Variants in TRIM33 observed in about 807,000 individuals in gnomAD.
The protein encoded by TRIM33 is tripartite motif containing 33, also known as E3 ubiquitin-protein ligase TRIM33.
In TRIM33, 20 loss-of-function variants were observed where a neutral mutation model predicts 125.4. The observed-to-expected ratio is 0.16, with a 90% CI of 0.11 to 0.23. The LOEUF (loss-of-function observed/expected upper bound fraction) is 0.23. Ranked by LOEUF, TRIM33 falls within the 10% of genes least tolerant of loss-of-function variation. The probability of loss-of-function intolerance (pLI) is 1.00; values close to 1 mark genes in which losing one functional copy is unlikely to be tolerated. For synonymous variants in TRIM33, 564 were observed against 513.9 expected (o/e 1.10, Z -1.32); for missense variants, 920 against 1,411.4 (o/e 0.65, Z 5.58).
intron 1 of TRIM33, among the ~76,000 whole-genome samples, chr1:114,508,137 A>G (rs1000103253): frequency 6.6e-6 from 1 of 152,158 alleles, no homozygotes; most frequent in Admixed American, 6.5e-5. Flanking sequence ...TTTTTAATCA[A>G]AAACATGGTG....
chr1:114,480,688 C>T lies in TRIM33; in HGVS notation c.527-16300G>A, dbSNP rs189028265. On this transcript the variant is annotated intron_variant, in intron 1 of 19. Coordinates refer to ENST00000358465, the MANE Select transcript of TRIM33 (RefSeq NM_015906.4). ...GAAAACAACTAGCAAAATGGCATAC[C>T]TAAATCCAACTATATCACTGAGTAA... Among the ~76,000 whole-genome samples, 583 of 152,016 alleles carry T rather than the reference C, an allele frequency of 3.8e-3. 15 individuals carry two copies. The highest frequency in any genetic ancestry group is 0.034 in the Admixed American group (520 of 15,272).
Position 114,427,170 on chromosome 1 carries a change from T to A in TRIM33, c.1420+7A>T. 7.2e-7 allele frequency: 1 copy of A among 1,390,170 alleles called. No individual in the cohort carries two copies. Among genetic ancestry groups the A allele is most frequent in the Non-Finnish European group, 1.0e-6 (1 of 989,986 alleles). 86.1% of individuals were successfully genotyped at this position (1,390,170 alleles called of 1,614,324 possible). A position where few individuals can be genotyped will look rare whatever the true frequency, so the allele number is the denominator to read the frequency against. ...AAGTTATATTCATAAAACTCATTAT[T>A]TCTCACCTAAATTGACTACATTCTT... On this transcript the variant is annotated splice_region_variant and intron_variant, in intron 8 of 19. Coordinates refer to ENST00000358465, the MANE Select transcript of TRIM33 (RefSeq NM_015906.4).
chr1:114,460,614 A>G (rs1649919008), intron 4 of TRIM33, among the ~76,000 whole-genome samples: 1 of 116,176 alleles, frequency 8.6e-6, no homozygotes, highest in African/African-American at 3.4e-5. Context: ...AACCTCTCCT[A>G]CGGTGCTGAT....
At chr1:114,468,414 G>C (rs1439489949) in intron 1 of TRIM33, 3 of 357,564 alleles carry the variant, frequency 8.4e-6, no homozygotes, top group Non-Finnish European at 1.7e-5. Context: ...TACCCAAACA[G>C]AGGAGACCCA....
chr1:114,424,775 C>A lies in TRIM33; in HGVS notation c.1696-20G>T. 2.1e-6 allele frequency: 3 copies of A among 1,432,752 alleles called. No homozygotes were observed. Among genetic ancestry groups the A allele is most frequent in the East Asian group, 2.5e-5 (1 of 40,436 alleles). The allele number at this position is 1,432,752 out of a possible 1,614,324, so 88.8% of individuals were successfully genotyped here. ...AGGAGGCTACAAAAAGTAGAAATTG[C>A]AATTTATGTAATAATTTTAAAATAA... On this transcript the variant is annotated intron_variant, in intron 9 of 19. Coordinates refer to ENST00000358465, the MANE Select transcript of TRIM33 (RefSeq NM_015906.4).
intron 4 of TRIM33, among the ~76,000 whole-genome samples, chr1:114,435,955 ACTCCTGGT>A (rs1648261525): frequency 7.6e-6 from 1 of 131,026 alleles, no homozygotes; most frequent in South Asian, 2.5e-4. Context: ...CTGGTCTTGA[ACTCCTGGT>A]CTCAAGTGAT....
At chr1:114,451,919 T>C (rs556009288) in intron 4 of TRIM33, among the ~76,000 whole-genome samples, 1 of 152,274 alleles carries the variant, frequency 6.6e-6, no homozygotes, top group East Asian at 1.9e-4. Context: ...TTAGACTGTA[T>C]AAATGGATGA....
At chr1:114,430,751 A>C (rs763069720) in intron 6 of TRIM33, 47 bp downstream of exon 6, 1 of 991,622 alleles carries the variant, frequency 1.0e-6, no homozygotes, top group Non-Finnish European at 1.6e-6. Flanking sequence ...AAAACAGCTA[A>C]AGAGCAAGAG....
chr1:114,442,359 T>A (rs557809952), intron 4 of TRIM33, among the ~76,000 whole-genome samples: 3 of 152,092 alleles, frequency 2.0e-5, no homozygotes, highest in East Asian at 3.9e-4. Context: ...CTACAAAAAA[T>A]GTATTCAGAT....
intron 4 of TRIM33, among the ~76,000 whole-genome samples, chr1:114,442,705 G>GA (rs1254691901): frequency 9.4e-5 from 11 of 116,808 alleles, no homozygotes; most frequent in South Asian, 3.0e-4. Context: ...AAAAAAAAAA[G>GA]AAAAAAAAAG....
rs1651574272 is a variant in TRIM33, at chr1:114,397,053, A to C, written c.*595T>G. 4.5e-6 allele frequency: 1 copy of C among 221,098 alleles called. No homozygotes were observed. The highest frequency in any genetic ancestry group is 6.7e-5 in the East Asian group (1 of 14,964). The allele number at this position is 221,098 out of a possible 1,614,324, so 13.7% of individuals were successfully genotyped here. On this transcript the variant is annotated 3_prime_UTR_variant, in exon 20 of 20. Transcript: ENST00000358465. The stretch of plus-strand genomic sequence containing the variant: ...CTAAGTATGAGTAGAAAATAAAACC[A>C]TTGCTGAGTTCTTTATATCAATTTA...
chr1:114,441,286 A>T (rs1648634556), intron 4 of TRIM33, among the ~76,000 whole-genome samples: 1 of 152,212 alleles, frequency 6.6e-6, no homozygotes, highest in Non-Finnish European at 1.5e-5. Context: ...ACAGAGTGAG[A>T]CCTCATCCCC....
chr1:114,407,883 A>G (rs2101102501), intron 13 of TRIM33, among the ~76,000 whole-genome samples: 1 of 152,348 alleles, frequency 6.6e-6, no homozygotes, highest in South Asian at 2.1e-4. Context: ...GATGACAGAA[A>G]GCTTCTCTTT....
intron 11 of TRIM33, among the ~76,000 whole-genome samples, chr1:114,411,043 CTTT>C (rs925833875): frequency 3.3e-5 from 5 of 151,992 alleles, no homozygotes; most frequent in African/African-American, 1.2e-4. Flanking sequence ...TCATATTCTT[CTTT>C]TATTTATTTT....
At chr1:114,499,724 A>G (rs1186305739) in intron 1 of TRIM33, among the ~76,000 whole-genome samples, 2 of 152,240 alleles carry the variant, frequency 1.3e-5, no homozygotes, top group Non-Finnish European at 2.9e-5. Flanking sequence ...CCTAGTGAAC[A>G]GGCTCACTGT....
chr1:114,405,726 G>C lies in TRIM33; in HGVS notation c.2452C>G (p.Leu818Val). The change falls in exon 15 of 20, where the codon CTC becomes GTC. Residue 818 changes from leucine (L) to valine (V), a missense_variant. Leu to Val is a conservative substitution (Grantham distance 32). Around this residue, in one of 8 missense-constraint regions of TRIM33, gnomAD observed 407 missense variants for 589.7 expected, o/e 0.69. Coordinates refer to ENST00000358465, the MANE Select transcript of TRIM33 (RefSeq NM_015906.4). Reference protein sequence around the residue: ...SSPESSLTPPLSTNLHLESEL... With the variant: ...SSPESSLTPPVSTNLHLESEL... ...CTTTCTAGATGCAGGTTGGTTGAGA[G>C]AGGTGGTGTCAAGCTACTCTCAGGA... 6.2e-7 allele frequency: 1 copy of C among 1,614,122 alleles called. No individual in the cohort carries two copies. The highest frequency in any genetic ancestry group is 8.5e-7 in the Non-Finnish European group (1 of 1,179,986).
intron 1 of TRIM33, among the ~76,000 whole-genome samples, chr1:114,471,334 G>T (rs572338576): frequency 1.3e-5 from 2 of 152,008 alleles, no homozygotes; most frequent in South Asian, 4.2e-4. Context: ...CCAGCTACTC[G>T]GGAGGCTGAG....
At chr1:114,489,562 A>G (rs1157515655) in intron 1 of TRIM33, among the ~76,000 whole-genome samples, 1 of 151,944 alleles carries the variant, frequency 6.6e-6, no homozygotes, top group African/African-American at 2.4e-5. Flanking sequence ...TGGGCAACAC[A>G]GCAAAATCCT....
intron 1 of TRIM33, among the ~76,000 whole-genome samples, chr1:114,476,438 A>C (rs1349531690): frequency 6.6e-6 from 1 of 152,154 alleles, no homozygotes; most frequent in Non-Finnish European, 1.5e-5. Context: ...CCATCTGTAG[A>C]CTTAAATGTT....
Sources: allele counts gnomAD v4.1 joint callset (sites outside exome capture counted in the v4.1 genomes callset), GRCh38; gene constraint gnomAD v4.1.1; regional missense constraint gnomAD v4.1.1; transcripts MANE v1.5; gene names NCBI Gene and HGNC (gene_info 2026-07-23, HGNC 2026-07-21).